The following SPAG17 variants were observed in gnomAD, a reference collection of about 807,000 sequenced individuals.
The protein encoded by SPAG17 is sperm-associated antigen 17.
SPAG17 carries 169 observed loss-of-function variants against 273.6 expected under a neutral mutation model. The ratio of observed to expected loss-of-function variants is 0.62; its 90% CI spans 0.55 to 0.70. The LOEUF (loss-of-function observed/expected upper bound fraction) is 0.70. Ranked by LOEUF, SPAG17 falls within the 30% of genes least tolerant of loss-of-function variation. The pLI, the probability that SPAG17 is intolerant of heterozygous loss-of-function variation, is 0.00. For synonymous variants in SPAG17, 825 were observed against 873.2 expected (o/e 0.94, Z 0.97); for missense variants, 2,557 against 2,627.8 (o/e 0.97, Z 0.59).
At chr1:118,145,086 C>T (rs1367852883) in intron 3 of SPAG17, among the ~76,000 whole-genome samples, 2 of 152,124 alleles carry the variant, frequency 1.3e-5, no homozygotes, top group Non-Finnish European at 2.9e-5. Context: ...CCTTTTCCTT[C>T]GTTTCTTCCA....
chr1:117,986,800 T>C (rs1035331125), intron 40 of SPAG17, among the ~76,000 whole-genome samples: 3 of 152,156 alleles, frequency 2.0e-5, no homozygotes, highest in Admixed American at 6.6e-5. Flanking sequence ...CTGAAGGAAT[T>C]TGAGAAAATG....
chr1:117,975,667 C>G (rs1309844152), intron 43 of SPAG17, among the ~76,000 whole-genome samples: 1 of 152,134 alleles, frequency 6.6e-6, no homozygotes, highest in Non-Finnish European at 1.5e-5. Flanking sequence ...ATTTCCAGGG[C>G]ACATGCCAGT....
At chr1:118,053,862 A>G (rs1228569138) in intron 20 of SPAG17, 140 bp downstream of exon 20, 3 of 594,920 alleles carry the variant, frequency 5.0e-6, no homozygotes, top group African/African-American at 1.9e-5. Context: ...TCAAAAAGAG[A>G]TGGTCTCCAG....
Position 117,988,107 on chromosome 1 carries a change from C to T in SPAG17, c.5619G>A (p.Trp1873Ter). The change falls in exon 39 of 49, where the codon TGG (tryptophan) becomes TGA (stop). Residue 1873 changes from tryptophan to a stop codon, truncating the protein, a stop_gained and splice_region_variant. Coordinates refer to ENST00000336338, the MANE Select transcript of SPAG17 (RefSeq NM_206996.4). LOFTEE classifies it high-confidence loss of function. The part of the protein sequence containing the change: ...TFGKDFFEKT[W>*]RHTASSKRWK... ...AACACATTATTGGATTAGCTTACCT[C>T]CATGTCTTTTCAAAGAAATCTTTAC... The T allele has an allele frequency of 6.2e-7, 1 of 1,600,372 alleles. No homozygotes were observed. The highest frequency in any genetic ancestry group is 8.5e-7 in the Non-Finnish European group (1 of 1,174,902).
intron 29 of SPAG17, among the ~76,000 whole-genome samples, chr1:118,015,522 A>G (rs899862256): frequency 6.6e-6 from 1 of 152,160 alleles, no homozygotes; most frequent in African/African-American, 2.4e-5. Flanking sequence ...AACTCCTTTC[A>G]CCAACTGCAA....
At chr1:118,172,122 A>C (rs1660445030) in intron 1 of SPAG17, among the ~76,000 whole-genome samples, 1 of 152,224 alleles carries the variant, frequency 6.6e-6, no homozygotes. Context: ...CTGAGAATGA[A>C]AATACAGAAA....
At chr1:118,018,820 C>A (rs901864112) in intron 28 of SPAG17, among the ~76,000 whole-genome samples, 1 of 151,730 alleles carries the variant, frequency 6.6e-6, no homozygotes, top group African/African-American at 2.4e-5. Context: ...GAATTCTATA[C>A]CTAGTGAAAT....
At chr1:118,084,609 A>G (rs1235263121) in intron 13 of SPAG17, among the ~76,000 whole-genome samples, 2 of 152,182 alleles carry the variant, frequency 1.3e-5, no homozygotes, top group African/African-American at 4.8e-5. Flanking sequence ...CTGCTGTGAG[A>G]AGCTGTTAGC....
chr1:118,040,441 T>C (rs1649603000), intron 22 of SPAG17, among the ~76,000 whole-genome samples: 1 of 152,184 alleles, frequency 6.6e-6, no homozygotes, highest in South Asian at 2.1e-4. Context: ...TAATTGCTTA[T>C]TGCAGTTACT....
intron 1 of SPAG17, among the ~76,000 whole-genome samples, chr1:118,170,855 T>A (rs1172386678): frequency 1.3e-5 from 2 of 152,164 alleles, no homozygotes; most frequent in Admixed American, 1.3e-4. Context: ...GGTTATCTTG[T>A]GGGATATCCT....
intron 4 of SPAG17, among the ~76,000 whole-genome samples, chr1:118,108,869 C>T (rs1656577022): frequency 6.6e-6 from 1 of 152,038 alleles, no homozygotes; most frequent in African/African-American, 2.4e-5. Context: ...TTCACATATT[C>T]AGTTGAATAT....
At chr1:118,124,403 G>C (rs1438270142) in intron 3 of SPAG17, among the ~76,000 whole-genome samples, 3 of 152,128 alleles carry the variant, frequency 2.0e-5, no homozygotes, top group African/African-American at 7.2e-5. Context: ...TACTAGCTTG[G>C]AAGGTTAAAT....
chr1:118,036,234 G>T (rs1284266303), intron 24 of SPAG17, among the ~76,000 whole-genome samples: 1 of 151,482 alleles, frequency 6.6e-6, no homozygotes, highest in Non-Finnish European at 1.5e-5. Flanking sequence ...AAAGAAGGAA[G>T]GAAGGAAGTG....
chr1:118,067,130 A>G (rs1208398399), intron 17 of SPAG17, among the ~76,000 whole-genome samples: 4 of 152,190 alleles, frequency 2.6e-5, no homozygotes, highest in South Asian at 2.1e-4. Flanking sequence ...ACTAGGCATC[A>G]GGCAGAGCGG....
intron 18 of SPAG17, among the ~76,000 whole-genome samples, chr1:118,058,684 CTCT>C (rs1651963285): frequency 6.6e-6 from 1 of 152,132 alleles, no homozygotes. Flanking sequence ...AAAAGTAATC[CTCT>C]TCTTAGTTTA....
intron 4 of SPAG17, among the ~76,000 whole-genome samples, chr1:118,111,150 T>C (rs1276793530): frequency 2.0e-5 from 3 of 152,210 alleles, no homozygotes; most frequent in Non-Finnish European, 1.5e-5. Context: ...AAAGTACTAC[T>C]GTATGTTAAA....
At chr1:118,175,574 CA>C (rs79880272) in intron 1 of SPAG17, among the ~76,000 whole-genome samples, 1,367 of 43,866 alleles carry the variant, frequency 0.031, 10 homozygotes, top group African/African-American at 0.085. Context: ...TTTCAAAGTA[CA>C]AAAAAAAAAA....
chr1:118,164,201 T>A (rs1660057896), intron 1 of SPAG17, among the ~76,000 whole-genome samples: 3 of 152,178 alleles, frequency 2.0e-5, no homozygotes, highest in South Asian at 4.1e-4. Context: ...CTAGTCTACA[T>A]CTCCAACTTT....
At chr1:118,033,185 A>G (rs911119471) in intron 24 of SPAG17, among the ~76,000 whole-genome samples, 1 of 151,978 alleles carries the variant, frequency 6.6e-6, no homozygotes, top group African/African-American at 2.4e-5. Flanking sequence ...TTAACATCTC[A>G]AGGCATGACC....
Sources: allele counts gnomAD v4.1 joint callset (sites outside exome capture counted in the v4.1 genomes callset), GRCh38; gene constraint gnomAD v4.1.1; transcripts MANE v1.5; gene names NCBI Gene and HGNC (gene_info 2026-07-23, HGNC 2026-07-21).